The following KCNQ5 variants were observed in gnomAD, a reference collection of about 807,000 sequenced individuals.
The protein encoded by KCNQ5 is potassium voltage-gated channel subfamily KQT member 5.
KCNQ5 carries 30 observed loss-of-function variants against 98.2 expected under a neutral mutation model. The ratio of observed to expected loss-of-function variants is 0.31; its 90% confidence interval spans 0.23 to 0.41. The LOEUF is 0.41. KCNQ5 is among the 10% of genes least tolerant of loss of function. KCNQ5 has a pLI of 1.00. For missense variants in KCNQ5, 835 were observed against 1,182.5 expected, an observed-to-expected ratio of 0.71 and a Z score of 4.31; for synonymous variants, 458 against 449.4, an observed-to-expected ratio of 1.02 and a Z score of -0.24.
chr6:72,632,621 T>C (rs2098921646), intron 1 of KCNQ5, among the ~76,000 whole-genome samples: 10 of 152,192 alleles, frequency 6.6e-5, no homozygotes, highest in Admixed American at 6.5e-4. Context: ...ATTGTTCCCA[T>C]GTTTACATCT....
At chr6:72,625,121 A>G (rs7772714) in intron 1 of KCNQ5, among the ~76,000 whole-genome samples, 86,701 of 152,048 alleles carry the variant, frequency 0.57, 26,965 homozygotes, top group Middle Eastern at 0.76. Flanking sequence ...TTACTTGGTC[A>G]ACCAGTGTTT....
At chr6:72,928,824 C>G (rs1262717255) in intron 1 of KCNQ5, among the ~76,000 whole-genome samples, 1 of 152,098 alleles carries the variant, frequency 6.6e-6, no homozygotes, top group Non-Finnish European at 1.5e-5. Context: ...GTTCTCTACT[C>G]TGCAGGTGCC....
At chr6:73,003,830 A>C in intron 1 of KCNQ5, 78 bp from the exon 2 acceptor site, 1 of 948,960 alleles carries the variant, frequency 1.1e-6, no homozygotes. Flanking sequence ...CTGGTGCTTT[A>C]TTCATTTGAA....
chr6:72,740,722 A>T (rs748909900), intron 1 of KCNQ5, among the ~76,000 whole-genome samples: 38 of 152,014 alleles, frequency 2.5e-4, no homozygotes, highest in South Asian at 2.1e-4. Flanking sequence ...AGATTCTAGG[A>T]AGTTGGATTG....
rs75114043 is a variant in KCNQ5 at position 72,691,911 on chromosome 6, C to T, written c.398+69324C>T. On this transcript the variant is annotated intron_variant, in intron 1 of 13. Transcript: ENST00000370398. ...TAAATATTTTGTGTCAGTAGAATTG[C>T]TTTATGCTATTTGGACAACTTGTAG... 4.9e-4 allele frequency among the ~76,000 whole-genome samples: 75 copies of T among 152,280 alleles called. No homozygotes were observed. In the East Asian group the frequency reaches 0.012, roughly 24 times the overall value.
chr6:73,152,739 A>G (rs1024842249), intron 10 of KCNQ5, among the ~76,000 whole-genome samples: 66 of 152,232 alleles, frequency 4.3e-4, no homozygotes, highest in Admixed American at 4.3e-3. Context: ...GATCTTCACC[A>G]TAGGTTGACC....
chr6:73,189,702 A>G (rs1296604642), intron 11 of KCNQ5, among the ~76,000 whole-genome samples: 2 of 152,250 alleles, frequency 1.3e-5, no homozygotes, highest in Non-Finnish European at 2.9e-5. Context: ...CTTTCATCAG[A>G]AATTGCATCA....
chr6:72,761,872 G>C (rs1353963565), intron 1 of KCNQ5, among the ~76,000 whole-genome samples: 1 of 152,036 alleles, frequency 6.6e-6, no homozygotes, highest in Non-Finnish European at 1.5e-5. Context: ...GTAGTGGCTA[G>C]AAACAAACCT....
At chr6:72,781,344 C>A (rs1773458945) in intron 1 of KCNQ5, among the ~76,000 whole-genome samples, 1 of 152,126 alleles carries the variant, frequency 6.6e-6, no homozygotes, top group Non-Finnish European at 1.5e-5. Context: ...TAATTTGGGG[C>A]TTTTAGCTTC....
At chr6:73,108,901 G>A (rs997379892) in intron 6 of KCNQ5, among the ~76,000 whole-genome samples, 1 of 152,126 alleles carries the variant, frequency 6.6e-6, no homozygotes, top group Non-Finnish European at 1.5e-5. Context: ...TACAAATTAG[G>A]TTCATTTAAT....
intron 5 of KCNQ5, among the ~76,000 whole-genome samples, chr6:73,095,174 A>G (rs1774430490): frequency 6.6e-6 from 1 of 152,152 alleles, no homozygotes; most frequent in East Asian, 1.9e-4. Context: ...ACCTTGTCTT[A>G]GAGCTCTGAA....
chr6:73,097,248 G>A (rs1774551453), intron 5 of KCNQ5, among the ~76,000 whole-genome samples: 1 of 149,454 alleles, frequency 6.7e-6, no homozygotes, highest in African/African-American at 2.4e-5. Flanking sequence ...CCCAGCCTCT[G>A]GTAACCAGCA....
At chr6:73,141,906 C>G (rs1235372514) in intron 10 of KCNQ5, among the ~76,000 whole-genome samples, 2 of 152,184 alleles carry the variant, frequency 1.3e-5, no homozygotes, top group Non-Finnish European at 2.9e-5. Flanking sequence ...CTCACAGTTT[C>G]TATGGTCAGG....
chr6:73,005,882 C>A (rs1346035632), intron 2 of KCNQ5, among the ~76,000 whole-genome samples: 1 of 152,170 alleles, frequency 6.6e-6, no homozygotes, highest in African/African-American at 2.4e-5. Context: ...TATAGTGATA[C>A]ATTGTCAAAG....
chr6:72,768,333 C>A (rs912259267), intron 1 of KCNQ5, among the ~76,000 whole-genome samples: 4 of 151,376 alleles, frequency 2.6e-5, no homozygotes, highest in Non-Finnish European at 4.4e-5. Flanking sequence ...GGAGGGAAGT[C>A]GAACTGGAAT....
At position 72,939,576 on chromosome 6, in the gene KCNQ5, A is replaced by T. The variant is rs533492713; in HGVS notation, c.399-64332A>T. On this transcript the variant is annotated intron_variant, in intron 1 of 13. Transcript: ENST00000370398. ...TAAGCACCTGCCTCCCTGAACATGT[A>T]TTGTATATTGTTTTCTTCCAGCCTA... 7.9e-5 allele frequency among the ~76,000 whole-genome samples: 12 copies of T among 152,226 alleles called. No individual in the cohort carries two copies. In the South Asian group the frequency reaches 2.5e-3, roughly 32 times the overall value.
chr6:72,883,772 C>A (rs976662427), intron 1 of KCNQ5, among the ~76,000 whole-genome samples: 18 of 152,032 alleles, frequency 1.2e-4, no homozygotes, highest in African/African-American at 4.3e-4. Flanking sequence ...GGAGACCAGG[C>A]GGCCACCTGG....
At chr6:73,053,183 A>G (rs1228982900) in intron 3 of KCNQ5, among the ~76,000 whole-genome samples, 2 of 152,236 alleles carry the variant, frequency 1.3e-5, no homozygotes, top group Non-Finnish European at 2.9e-5. Context: ...GTTCACCTCA[A>G]AAGGCCAGAC....
intron 1 of KCNQ5, among the ~76,000 whole-genome samples, chr6:72,660,591 C>T (rs1366434976): frequency 6.6e-6 from 1 of 152,042 alleles, no homozygotes; most frequent in African/African-American, 2.4e-5. Flanking sequence ...ATTGATGGTC[C>T]CAGCAGCATT....
Sources: gnomAD v4.1 joint callset for allele counts (sites outside exome capture counted in the v4.1 genomes callset) on GRCh38, gnomAD v4.1.1 for gene constraint, MANE v1.5 for transcripts, NCBI Gene and HGNC (gene_info 2026-07-23, HGNC 2026-07-21) for gene names.